SLC22A23: variants seen among roughly 807,000 people sequenced by gnomAD.
SLC22A23 encodes the protein ion transporter protein.
Under a neutral mutation model 61.0 loss-of-function variants are expected in SLC22A23, and 26 were observed. That is an observed-to-expected ratio of 0.43 (90% CI 0.31 to 0.59). The LOEUF (loss-of-function observed/expected upper bound fraction) is 0.59. Among genes scored for constraint, SLC22A23 ranks in the 20% least tolerant of loss-of-function variants. The probability of loss-of-function intolerance (pLI) is 0.11; values close to 1 mark genes in which losing one functional copy is unlikely to be tolerated. For synonymous variants in SLC22A23, 430 were observed against 413.9 expected, an observed-to-expected ratio of 1.04 and a Z score of -0.47; for missense variants, 796 against 934.7, an observed-to-expected ratio of 0.85 and a Z score of 1.94.
At chr6:3,373,293 C>T (rs6915125) in intron 3 of SLC22A23, among the ~76,000 whole-genome samples, 45,672 of 152,118 alleles carry the variant, frequency 0.3, 7,630 homozygotes, top group East Asian at 0.52. Flanking sequence ...TGTGTGACTC[C>T]GCTGGGAGAA....
chr6:3,280,908 GTCAGGGAGTCGTCAGTCAGGGAGTGTC>G (rs1423082418), intron 9 of SLC22A23, among the ~76,000 whole-genome samples: 9 of 152,128 alleles, frequency 5.9e-5, no homozygotes, highest in African/African-American at 2.2e-4. Context: ...GAAGACAGAT[GTCAGGGAGTCGTCAGTCAGGGAGTGTC>G]TCAGGGAGGC....
Position 3,427,498 on chromosome 6 carries a change from G to A in SLC22A23, c.655-11643C>T, listed in dbSNP as rs913402557. 1.3e-5 allele frequency among the ~76,000 whole-genome samples: 2 copies of A among 152,106 alleles called. No homozygotes were observed. The highest frequency in any genetic ancestry group is 2.4e-5 in the African/African-American group (1 of 41,424). On this transcript the variant is annotated intron_variant, in intron 1 of 9. Transcript: ENST00000406686. The surrounding 1 kb of genome is among the most constrained non-coding windows in gnomAD (Gnocchi z 4.3). ...CACCAGATTAGAAAGTGGGCCAGACGAGGATGGAAGACGCCCTCCAGGGAG... is the reference window on the plus strand; with the variant it reads ...CACCAGATTAGAAAGTGGGCCAGACAAGGATGGAAGACGCCCTCCAGGGAG...
intron 3 of SLC22A23, among the ~76,000 whole-genome samples, chr6:3,384,006 G>A (rs936777206): frequency 9.2e-5 from 14 of 152,160 alleles, no homozygotes; most frequent in South Asian, 2.1e-4. Context: ...GGTTGAGACC[G>A]GTGCCAGCTC....
intron 1 of SLC22A23, 58 bp downstream of exon 1, chr6:3,455,848 G>A (rs544616772): frequency 7.3e-5 from 106 of 1,451,806 alleles, no homozygotes; most frequent in Non-Finnish European, 3.0e-5. Flanking sequence ...GCTGGCTCGG[G>A]CTTGGACCTC....
At chr6:3,350,508 T>C (rs950139115) in intron 3 of SLC22A23, among the ~76,000 whole-genome samples, 1 of 152,226 alleles carries the variant, frequency 6.6e-6, no homozygotes, top group Non-Finnish European at 1.5e-5. Flanking sequence ...ACCTCCAGAT[T>C]GTCCATGGCT....
intron 5 of SLC22A23, among the ~76,000 whole-genome samples, chr6:3,296,682 C>T (rs557014794): frequency 2.2e-4 from 33 of 152,246 alleles, no homozygotes; most frequent in South Asian, 4.2e-4. Flanking sequence ...TTCTGTCCAG[C>T]GAAGCAAAAG....
In SLC22A23 at chr6:3,269,332, CGT is replaced by C. The variant is rs1758325368; in HGVS notation, c.*3721_*3722del. The stretch of plus-strand genomic sequence containing the variant: ...CGAGTGAAGACACAGCTTACAGAGG[CGT>C]TCAAAGTAGTGACGCAGTGAGGTCT... On this transcript the variant is annotated 3_prime_UTR_variant, in exon 10 of 10. Transcript: ENST00000406686. 6.6e-6 allele frequency: 1 copy of C among 152,340 alleles called. No individual in the cohort carries two copies. Among genetic ancestry groups the C allele is most frequent in the Non-Finnish European group, 1.5e-5 (1 of 68,044 alleles). The allele number at this position is 152,340 out of a possible 1,614,324, so 9.4% of individuals were successfully genotyped here. A position where few individuals can be genotyped will look rare whatever the true frequency, so the allele number is the denominator to read the frequency against.
At chr6:3,281,309 C>CTA (rs1554133099) in intron 9 of SLC22A23, among the ~76,000 whole-genome samples, 2 of 152,234 alleles carry the variant, frequency 1.3e-5, no homozygotes, top group Non-Finnish European at 2.9e-5. Context: ...TGGGCCTGAG[C>CTA]GGGTAGCTGG....
At chr6:3,446,338 A>C (rs1771894343) in intron 1 of SLC22A23, among the ~76,000 whole-genome samples, 1 of 152,188 alleles carries the variant, frequency 6.6e-6, no homozygotes, top group Non-Finnish European at 1.5e-5. Context: ...TCTAAACTGA[A>C]GGCTTGGACT....
At chr6:3,300,707 A>C (rs1188431367) in intron 4 of SLC22A23, among the ~76,000 whole-genome samples, 19 of 152,378 alleles carry the variant, frequency 1.2e-4, no homozygotes, top group African/African-American at 4.1e-4. Context: ...CACTATCGAT[A>C]TCTAATAATT....
At chr6:3,366,186 A>G (rs1465117897) in intron 3 of SLC22A23, among the ~76,000 whole-genome samples, 1 of 151,972 alleles carries the variant, frequency 6.6e-6, no homozygotes, top group Non-Finnish European at 1.5e-5. Context: ...AAAAAAATTT[A>G]GCTGGGCATG....
intron 4 of SLC22A23, among the ~76,000 whole-genome samples, chr6:3,321,989 A>T (rs902547977): frequency 6.6e-6 from 1 of 152,176 alleles, no homozygotes; most frequent in Non-Finnish European, 1.5e-5. Flanking sequence ...TTTAATGAGC[A>T]AGTATTTATT....
At chr6:3,341,433 G>C (rs1007889252) in intron 3 of SLC22A23, among the ~76,000 whole-genome samples, 15 of 152,156 alleles carry the variant, frequency 9.9e-5, no homozygotes, top group African/African-American at 3.6e-4. Context: ...GACCTCACTA[G>C]AAAACTCTGA....
chr6:3,331,937 C>T (rs935181558), intron 3 of SLC22A23, among the ~76,000 whole-genome samples: 3 of 152,158 alleles, frequency 2.0e-5, no homozygotes, highest in African/African-American at 7.2e-5. Context: ...AGCTTACCAC[C>T]CAGGTTTTCC....
chr6:3,362,757 T>C (rs1765561015), intron 3 of SLC22A23, among the ~76,000 whole-genome samples: 1 of 151,974 alleles, frequency 6.6e-6, no homozygotes. Context: ...AGGCTGCAGG[T>C]CCCAGAAGCA....
In SLC22A23 at chr6:3,324,366, C is replaced by T. The variant is rs559547779; in HGVS notation, c.914-364G>A. ...TGAGCTTGCTGTCCAGCACGTTCCC[C>T]CCTCGTGCCCATCCTGTCGCCATTC... is the stretch of plus-strand genomic sequence containing the variant. On this transcript the variant is annotated intron_variant, in intron 3 of 9. Transcript: ENST00000406686. The surrounding 1 kb of genome is among the most constrained non-coding windows in gnomAD (Gnocchi z 4.3). 6.6e-6 allele frequency among the ~76,000 whole-genome samples: 1 copy of T among 152,192 alleles called. No homozygotes were observed. The highest frequency in any genetic ancestry group is 2.4e-5 in the African/African-American group (1 of 41,442).
chr6:3,447,964 G>A (rs1327468353), intron 1 of SLC22A23, among the ~76,000 whole-genome samples: 8 of 143,272 alleles, frequency 5.6e-5, no homozygotes, highest in South Asian at 2.3e-4. Context: ...GTGCAATGGC[G>A]CAATCTTGGC....
At chr6:3,298,966 G>C (rs1416433779) in intron 4 of SLC22A23, among the ~76,000 whole-genome samples, 1 of 117,888 alleles carries the variant, frequency 8.5e-6, no homozygotes, top group African/African-American at 4.0e-5. Context: ...GCGACAGAGC[G>C]AGACTCCGTC....
chr6:3,270,307 T>C lies in SLC22A23; in HGVS notation c.*2748A>G, dbSNP rs1383246319. 1 of 152,416 alleles carries C rather than the reference T, an allele frequency of 6.6e-6. No individual in the cohort carries two copies. Among genetic ancestry groups the C allele is most frequent in the African/African-American group, 2.4e-5 (1 of 41,458 alleles). 9.4% of individuals were successfully genotyped at this position (152,416 alleles called of 1,614,324 possible). A position where few individuals can be genotyped will look rare whatever the true frequency, so the allele number is the denominator to read the frequency against. On this transcript the variant is annotated 3_prime_UTR_variant, in exon 10 of 10. Transcript: ENST00000406686. ...GACGGTGCTGGGAAGTGGGCAGCCGTAGCAGCCTCCCCTGCTGAGCCCGGC... is the reference window on the plus strand; with the variant it reads ...GACGGTGCTGGGAAGTGGGCAGCCGCAGCAGCCTCCCCTGCTGAGCCCGGC...
Sources: allele counts gnomAD v4.1 joint callset (sites outside exome capture counted in the v4.1 genomes callset), GRCh38; gene constraint gnomAD v4.1.1; non-coding constraint Gnocchi (gnomAD v3.1); transcripts MANE v1.5; gene names NCBI Gene and HGNC (gene_info 2026-07-23, HGNC 2026-07-21).